WDR86: variants seen among roughly 807,000 people sequenced by gnomAD.
The protein encoded by WDR86 is WD repeat-containing protein 86.
A neutral mutation model predicts 36.5 loss-of-function variants in WDR86; 30 were observed. The observed-to-expected ratio is 0.82, with a 90% CI of 0.61 to 1.11. WDR86 has a LOEUF of 1.11. WDR86 is among the 50% of genes most tolerant of loss of function. The pLI is 0.00. For missense variants in WDR86, 545 were observed against 561.2 expected (o/e 0.97, Z 0.29); for synonymous variants, 255 against 252.9 (o/e 1.01, Z -0.08).
Position 151,409,562 on chromosome 7 carries a change from C to T in WDR86, c.28G>A (p.Val10Ile), listed in dbSNP as rs1271070579. Residue 10 changes from valine to isoleucine, a missense_variant, in exon 1 of 6, where the codon GTC becomes ATC. Physicochemically the swap from Val to Ile is conservative, Grantham distance 29. Transcript: ENST00000334493. This position sits in a 1 kb window ranked among gnomAD's most constrained non-coding sequence, Gnocchi z 5.2. Reference protein sequence around the residue: MGGGGSALRVCADHRGGINW... With the variant: MGGGGSALRICADHRGGINW... Reference sequence around the variant, plus strand: ...ATGCCCCCGCGGTGGTCGGCGCAGACCCTCAGGGCCGACCCGCCGCCCCCC... The same window carrying T: ...ATGCCCCCGCGGTGGTCGGCGCAGATCCTCAGGGCCGACCCGCCGCCCCCC... 1 of 1,445,288 alleles carries T rather than the reference C, an allele frequency of 6.9e-7. No individual in the cohort carries two copies. The highest frequency in any genetic ancestry group is 2.7e-5 in the East Asian group (1 of 36,534). 89.5% of individuals were successfully genotyped at this position (1,445,288 alleles called of 1,614,324 possible).
At chr7:151,398,421 T>C (rs922935204) in intron 2 of WDR86, among the ~76,000 whole-genome samples, 16 of 78,626 alleles carry the variant, frequency 2.0e-4, no homozygotes, top group Admixed American at 1.6e-3. Flanking sequence ...GTTGTGCGTG[T>C]GTGCACATGT....
chr7:151,378,684 T>C (rs1798425390), downstream of WDR86, among the ~76,000 whole-genome samples: 1 of 152,202 alleles, frequency 6.6e-6, no homozygotes, highest in Non-Finnish European at 1.5e-5. Flanking sequence ...TGTCAGGGTT[T>C]GCCTCAGAAG....
At chr7:151,382,778 A>T (rs1450348346) in intron 4 of WDR86, among the ~76,000 whole-genome samples, 2 of 152,196 alleles carry the variant, frequency 1.3e-5, no homozygotes, top group African/African-American at 4.8e-5. Context: ...CAGGCGTCCC[A>T]GGAAACGCTC....
At chr7:151,410,263 G>T, upstream of WDR86, among the ~76,000 whole-genome samples, 1 of 152,240 alleles carries the variant, frequency 6.6e-6, no homozygotes, top group South Asian at 2.1e-4. Flanking sequence ...GCCAAGGGCC[G>T]GGACGAGGGA....
chr7:151,385,294 G>A (rs766406861), intron 3 of WDR86, 71 bp from the exon 4 acceptor site: 1 of 1,589,986 alleles, frequency 6.3e-7, no homozygotes, highest in African/African-American at 1.3e-5. Context: ...CCCTCTATAA[G>A]GGGGGAAGGG....
intron 1 of WDR86, among the ~76,000 whole-genome samples, chr7:151,402,039 C>T (rs1375780049): frequency 3.3e-5 from 2 of 60,940 alleles, no homozygotes; most frequent in Admixed American, 2.3e-4. Context: ...CAGAGCAAAA[C>T]TCTGCCTCAA....
intron 4 of WDR86, among the ~76,000 whole-genome samples, chr7:151,384,236 C>G (rs1798810793): frequency 6.6e-6 from 1 of 152,224 alleles, no homozygotes; most frequent in South Asian, 2.1e-4. Flanking sequence ...GTAGGACAGA[C>G]AGCAGGTTGC....
intron 3 of WDR86, 177 bp from the exon 4 acceptor site, chr7:151,385,400 C>A: frequency 1.7e-6 from 2 of 1,159,614 alleles, no homozygotes; most frequent in South Asian, 1.6e-5. Flanking sequence ...CAAAAGCAGG[C>A]GGCTGCTCCT....
rs56217926 is a variant in WDR86 at position 151,390,602 on chromosome 7, G to A, written c.726+5174C>T. On this transcript the variant is annotated intron_variant, in intron 3 of 5. Transcript: ENST00000334493. This position sits in a 1 kb window ranked among gnomAD's most constrained non-coding sequence, Gnocchi z 4.5. Reference sequence around the variant, plus strand: ...TGAAGGCAGGATGCACCCAGATCCCGTCCACCCGTTCACAACAGCTGAAAG... The same window carrying A: ...TGAAGGCAGGATGCACCCAGATCCCATCCACCCGTTCACAACAGCTGAAAG... Among the ~76,000 whole-genome samples, 23,471 of 152,194 alleles carry A rather than the reference G, an allele frequency of 0.15. 2,281 individuals are homozygous for A. The highest frequency in any genetic ancestry group is 0.41 in the East Asian group (2,131 of 5,172).
At chr7:151,408,232 T>C (rs1473370137) in intron 1 of WDR86, among the ~76,000 whole-genome samples, 1 of 148,908 alleles carries the variant, frequency 6.7e-6, no homozygotes, top group Non-Finnish European at 1.5e-5. Context: ...AGTCTGGCTC[T>C]GTCACCCAGG....
At chr7:151,398,173 T>A (rs193295275) in intron 2 of WDR86, among the ~76,000 whole-genome samples, 15 of 152,242 alleles carry the variant, frequency 9.9e-5, no homozygotes, top group African/African-American at 3.4e-4. Flanking sequence ...TGTGCCTGCA[T>A]GTACTTTGTG....
downstream of WDR86, chr7:151,374,093 A>G (rs1027128507): frequency 1.3e-6 from 2 of 1,552,666 alleles, no homozygotes; most frequent in African/African-American, 2.7e-5. Context: ...CTGTTTTCCT[A>G]AAGGAACTGG....
chr7:151,376,612 T>G, downstream of WDR86: 1 of 1,581,766 alleles, frequency 6.3e-7, no homozygotes, highest in Non-Finnish European at 8.6e-7. Context: ...GCTGATGCTG[T>G]GACCCCTGCG....
intron 1 of WDR86, among the ~76,000 whole-genome samples, chr7:151,408,063 T>TG (rs1349022858): frequency 3.3e-5 from 5 of 152,140 alleles, no homozygotes; most frequent in African/African-American, 4.8e-5. Context: ...TGTGGCTGTT[T>TG]GGGGGGGATG....
downstream of WDR86, chr7:151,377,249 T>G: frequency 1.4e-6 from 2 of 1,427,168 alleles, no homozygotes; most frequent in Non-Finnish European, 1.9e-6. Context: ...ATAGCGCTAA[T>G]TTTCTGCTTA....
At position 151,395,885 on chromosome 7, in the gene WDR86, T is replaced by A; in HGVS notation, c.617A>T (p.His206Leu). Residue 206 changes from histidine (H) to leucine (L), a missense_variant, in exon 3 of 6, where the codon CAC becomes CTC. His to Leu is a moderately conservative substitution (Grantham distance 99). Transcript: ENST00000334493. ...GTCGGTGCTGCCTGTGAAGGCCGTG[T>A]GGCCGGGCGTGTCTAGCACTAGGCA... ...VLCLVLDTPG[H>L]TAFTGSTDAT... 3.1e-6 allele frequency: 5 copies of A among 1,602,096 alleles called. No individual in the cohort carries two copies. Among genetic ancestry groups the A allele is most frequent in the Non-Finnish European group, 2.5e-6 (3 of 1,176,622 alleles).
At chr7:151,385,019 G>T (rs1428075426) in intron 4 of WDR86, 69 bp downstream of exon 4, 37 of 1,484,254 alleles carry the variant, frequency 2.5e-5, no homozygotes, top group Non-Finnish European at 3.0e-5. Context: ...AAATCCCATA[G>T]GAAGTAAAGA....
intron 4 of WDR86, among the ~76,000 whole-genome samples, chr7:151,384,861 C>A (rs1003724163): frequency 4.6e-5 from 7 of 152,224 alleles, no homozygotes; most frequent in African/African-American, 1.7e-4. Context: ...AGTCCAGTCT[C>A]CCAGGCTGTC....
chr7:151,380,556 A>T (rs922735929), downstream of WDR86, among the ~76,000 whole-genome samples: 9 of 152,162 alleles, frequency 5.9e-5, no homozygotes, highest in African/African-American at 2.2e-4. Context: ...ATGGATGCAG[A>T]AAGTGGCACC....
Sources: allele counts gnomAD v4.1 joint callset (sites outside exome capture counted in the v4.1 genomes callset), GRCh38; gene constraint gnomAD v4.1.1; non-coding constraint Gnocchi (gnomAD v3.1); transcripts MANE v1.5; gene names NCBI Gene and HGNC (gene_info 2026-07-23, HGNC 2026-07-21).